The following RNF214 variants were observed in gnomAD, a reference collection of about 807,000 sequenced individuals.
The protein encoded by RNF214 is ring finger protein 214.
A neutral mutation model predicts 75.9 loss-of-function variants in RNF214; 25 were observed. The observed-to-expected ratio is 0.33, with a 90% CI of 0.24 to 0.46. The LOEUF is 0.46. RNF214 is among the 20% of genes least tolerant of loss of function. RNF214 has a pLI of 1.00. For missense variants in RNF214, 725 were observed against 857.5 expected (o/e 0.85, Z 1.93); for synonymous variants, 314 against 308.8 (o/e 1.02, Z -0.18).
chr11:117,232,882 C>T (rs542547067), intron 1 of RNF214, 156 bp downstream of exon 1: 129 of 122,202 alleles, frequency 1.1e-3, no homozygotes, highest in African/African-American at 3.8e-3. Context: ...GGGTCCCGGC[C>T]TAGAAGTGGG....
At chr11:117,275,115 T>G (rs2033990023) in intron 6 of RNF214, among the ~76,000 whole-genome samples, 2 of 152,172 alleles carry the variant, frequency 1.3e-5, no homozygotes, top group African/African-American at 4.8e-5. Flanking sequence ...AGAGGAACTC[T>G]CAAACCTATA....
chr11:117,251,028 A>C (rs1459029654), intron 6 of RNF214, among the ~76,000 whole-genome samples: 1 of 149,236 alleles, frequency 6.7e-6, no homozygotes, highest in Admixed American at 6.7e-5. Flanking sequence ...CTACACAGAC[A>C]CGGCAACCAT....
chr11:117,269,084 A>G (rs1322218906), intron 6 of RNF214, among the ~76,000 whole-genome samples: 2 of 152,176 alleles, frequency 1.3e-5, no homozygotes, highest in Non-Finnish European at 2.9e-5. Context: ...TGAAGGTTAT[A>G]AGAGTAAATT....
At position 117,277,630 on chromosome 11, in the gene RNF214, T is replaced by C. The variant is rs892361819; in HGVS notation, c.960-2278T>C. On this transcript the variant is annotated intron_variant, in intron 6 of 14. Transcript: ENST00000300650. ...TAAGTAGATTGCTCTCTTTTGTATA[T>C]GTAAGGTTACTACAAAAACAGAAGG... Among the ~76,000 whole-genome samples the C allele has an allele frequency of 2.6e-5, 4 of 152,356 alleles. No individual in the cohort carries two copies. In the East Asian group the frequency reaches 7.7e-4, roughly 29 times the overall value.
At chr11:117,261,074 A>T (rs747175241) in intron 6 of RNF214, among the ~76,000 whole-genome samples, 6 of 152,096 alleles carry the variant, frequency 3.9e-5, no homozygotes, top group Non-Finnish European at 8.8e-5. Flanking sequence ...CTCCAGTACA[A>T]TATTGAATAG....
chr11:117,270,208 C>T lies in RNF214; in HGVS notation c.960-9700C>T, dbSNP rs73582336. On this transcript the variant is annotated intron_variant, in intron 6 of 14. Coordinates refer to ENST00000300650, the MANE Select transcript of RNF214 (RefSeq NM_207343.4). ...TAGACCTTGGTTCTGAGGCTTATTT[C>T]TGAGGCTTTTCAATTTTCTTTTCTT... 6.8e-3 allele frequency among the ~76,000 whole-genome samples: 888 copies of T among 130,778 alleles called. 11 individuals carry two copies. The highest frequency in any genetic ancestry group is 0.023 in the African/African-American group (818 of 34,990). 85.8% of individuals were successfully genotyped at this position (130,778 alleles called of 152,430 possible). A position where few individuals can be genotyped will look rare whatever the true frequency, so the allele number is the denominator to read the frequency against.
intron 3 of RNF214, 41 bp downstream of exon 3, chr11:117,239,152 G>A: frequency 1.3e-6 from 2 of 1,542,472 alleles, no homozygotes; most frequent in Non-Finnish European, 1.8e-6. Flanking sequence ...TAATTGGGGG[G>A]TGGTGGGGTT....
intron 6 of RNF214, among the ~76,000 whole-genome samples, chr11:117,252,677 C>T (rs1198735456): frequency 1.3e-5 from 2 of 151,558 alleles, no homozygotes; most frequent in African/African-American, 2.4e-5. Context: ...CCTGCCACCA[C>T]GCCCAGCTCA....
At position 117,280,153 on chromosome 11, in the gene RNF214, T is replaced by C. The variant is rs1347208180; in HGVS notation, c.1057-18T>C. On this transcript the variant is annotated intron_variant, in intron 7 of 14. Coordinates refer to ENST00000300650, the MANE Select transcript of RNF214 (RefSeq NM_207343.4). ...ATGTAAAATTAATAAAGTATTTATA[T>C]GTGTGTGGCTTCCTTAGATCTTATC... 3.1e-6 allele frequency: 5 copies of C among 1,588,890 alleles called. No homozygotes were observed. In the South Asian group the frequency reaches 3.3e-5, roughly 11 times the overall value.
intron 4 of RNF214, among the ~76,000 whole-genome samples, chr11:117,243,869 C>G (rs886320627): frequency 1.6e-4 from 25 of 152,194 alleles, no homozygotes; most frequent in Non-Finnish European, 2.2e-4. Context: ...AGTCTCTCTT[C>G]TAATCCCGAC....
intron 1 of RNF214, among the ~76,000 whole-genome samples, chr11:117,233,103 C>T (rs1167777395): frequency 3.3e-5 from 5 of 152,078 alleles, no homozygotes; most frequent in Admixed American, 3.3e-4. Flanking sequence ...GTGGTCGCCC[C>T]GGGTTGCGGA....
chr11:117,269,316 G>T (rs185291848), intron 6 of RNF214, among the ~76,000 whole-genome samples: 3 of 152,128 alleles, frequency 2.0e-5, no homozygotes, highest in African/African-American at 7.2e-5. Flanking sequence ...TTGAACTTTG[G>T]GGGAGGTGGC....
intron 1 of RNF214, among the ~76,000 whole-genome samples, chr11:117,233,659 T>C (rs979377031): frequency 1.3e-5 from 2 of 152,224 alleles, no homozygotes; most frequent in Non-Finnish European, 2.9e-5. Context: ...CAGGATTCTT[T>C]TTTGCACCAC....
intron 6 of RNF214, among the ~76,000 whole-genome samples, chr11:117,272,088 C>T (rs1438047871): frequency 6.6e-6 from 1 of 152,076 alleles, no homozygotes; most frequent in Non-Finnish European, 1.5e-5. Context: ...TGCTGGTAGC[C>T]AGGCATGGTG....
At chr11:117,252,581 C>G (rs497043) in intron 6 of RNF214, among the ~76,000 whole-genome samples, 18,416 of 151,858 alleles carry the variant, frequency 0.12, 1,113 homozygotes, top group Middle Eastern at 0.13. Flanking sequence ...AGCGCAGTGG[C>G]GTGATCTTGG....
chr11:117,234,212 C>G (rs1286843848), intron 1 of RNF214, 55 bp from the exon 2 acceptor site: 3 of 1,273,492 alleles, frequency 2.4e-6, no homozygotes, highest in South Asian at 2.4e-5. Context: ...GGGAGAGATA[C>G]ATTTGTTTTA....
intron 1 of RNF214, among the ~76,000 whole-genome samples, chr11:117,234,009 A>C (rs772555127): frequency 6.6e-6 from 1 of 152,236 alleles, no homozygotes; most frequent in Non-Finnish European, 1.5e-5. Context: ...TTTCTGCCAA[A>C]AGTGAAAATA....
In RNF214 at chr11:117,281,622, A is replaced by G; in HGVS notation, c.1259A>G (p.Gln420Arg). ...NVRDQFNSHI[Q>R]LVRNGAKLSS... ...TAGGACCAATTTAATAGTCATATCC[A>G]GTTAGTGAGGAACGGAGCCAAGCTG... Residue 420 changes from glutamine to arginine, a missense_variant, in exon 10 of 15, where the codon CAG becomes CGG. Gln to Arg is a conservative substitution (Grantham distance 43). This residue lies in a region of RNF214 where 363 missense variants were observed against 513.0 expected (regional missense o/e 0.71). Transcript: ENST00000300650. The G allele has an allele frequency of 1.2e-6, 2 of 1,612,470 alleles. No individual in the cohort carries two copies. The highest frequency in any genetic ancestry group is 1.7e-6 in the Non-Finnish European group (2 of 1,178,774).
intron 6 of RNF214, among the ~76,000 whole-genome samples, chr11:117,266,732 T>C: frequency 6.6e-6 from 1 of 152,076 alleles, no homozygotes; most frequent in East Asian, 1.9e-4. Context: ...CTCCTGGGAC[T>C]CCACTGTCAG....
Sources: gnomAD v4.1 joint callset for allele counts (sites outside exome capture counted in the v4.1 genomes callset) on GRCh38, gnomAD v4.1.1 for gene constraint, gnomAD v4.1.1 regional missense constraint, MANE v1.5 for transcripts, NCBI Gene and HGNC (gene_info 2026-07-23, HGNC 2026-07-21) for gene names.